CADM2: variants seen among roughly 807,000 people sequenced by gnomAD.
CADM2 encodes the protein cell adhesion molecule 2, also known as immunoglobulin superfamily member 4D.
A neutral mutation model predicts 49.8 loss-of-function variants in CADM2; 12 were observed. The ratio of observed to expected loss-of-function variants is 0.24; its 90% CI spans 0.15 to 0.39. CADM2 has a LOEUF of 0.39. CADM2 is among the 10% of genes least tolerant of loss of function. The probability of loss-of-function intolerance (pLI) is 1.00; values close to 1 mark genes in which losing one functional copy is unlikely to be tolerated. For missense variants in CADM2, 378 were observed against 492.3 expected, an observed-to-expected ratio of 0.77 and a Z score of 2.20; for synonymous variants, 214 against 175.4, an observed-to-expected ratio of 1.22 and a Z score of -1.74.
intron 3 of CADM2, among the ~76,000 whole-genome samples, chr3:85,826,566 C>T (rs1224336938): frequency 6.6e-6 from 1 of 151,908 alleles, no homozygotes; most frequent in Non-Finnish European, 1.5e-5. Flanking sequence ...TCCTCTTTCT[C>T]TCACTTGCAA....
intron 7 of CADM2, among the ~76,000 whole-genome samples, chr3:85,939,347 C>T (rs753891911): frequency 1.2e-4 from 18 of 151,846 alleles, no homozygotes; most frequent in Admixed American, 6.6e-4. Flanking sequence ...AAGTGAGGAC[C>T]GAGCTAATGC....
At chr3:85,340,914 C>G (rs1371773126) in intron 1 of CADM2, among the ~76,000 whole-genome samples, 1 of 151,610 alleles carries the variant, frequency 6.6e-6, no homozygotes, top group Non-Finnish European at 1.5e-5. Context: ...CGTATATACT[C>G]TTCAAACACT....
intron 1 of CADM2, among the ~76,000 whole-genome samples, chr3:85,621,169 GA>G (rs2063964917): frequency 6.6e-6 from 1 of 152,054 alleles, no homozygotes; most frequent in Admixed American, 6.6e-5. Flanking sequence ...ACACTGTAAT[GA>G]AACTGAATAT....
intron 3 of CADM2, among the ~76,000 whole-genome samples, chr3:85,845,973 C>T (rs2074860613): frequency 6.6e-6 from 1 of 152,004 alleles, no homozygotes; most frequent in Non-Finnish European, 1.5e-5. Flanking sequence ...AGCTGGGGTT[C>T]TACTGGGGTT....
rs139199519 is a variant in CADM2, at chr3:85,372,485, A to G, written c.62-354037A>G. Among the ~76,000 whole-genome samples the G allele has an allele frequency of 4.0e-4, 60 of 150,982 alleles. 1 individual carries two copies. The highest frequency in any genetic ancestry group is 1.4e-3 in the African/African-American group (58 of 41,198). The stretch of plus-strand genomic sequence containing the variant: ...TATGAGATCAAAATGTATGAATTTT[A>G]TTTATATATTCTTTATAGTTATCCA... On this transcript the variant is annotated intron_variant, in intron 1 of 9. Transcript: ENST00000383699.
intron 8 of CADM2, among the ~76,000 whole-genome samples, chr3:85,998,294 A>T (rs894239869): frequency 6.6e-6 from 1 of 152,128 alleles, no homozygotes; most frequent in Non-Finnish European, 1.5e-5. Context: ...TCTGTAGTTA[A>T]TTTTCTAAAT....
intron 1 of CADM2, among the ~76,000 whole-genome samples, chr3:85,258,081 A>G (rs968053812): frequency 1.3e-5 from 2 of 152,060 alleles, no homozygotes; most frequent in African/African-American, 4.8e-5. Flanking sequence ...TCACTTTCCT[A>G]TTGGCTTGGA....
intron 3 of CADM2, among the ~76,000 whole-genome samples, chr3:85,815,332 T>C (rs996923569): frequency 6.6e-6 from 1 of 152,130 alleles, no homozygotes; most frequent in Non-Finnish European, 1.5e-5. Flanking sequence ...TGAACATCGA[T>C]GCGAAAATCC....
At chr3:85,764,842 G>C (rs1378366547) in intron 2 of CADM2, among the ~76,000 whole-genome samples, 1 of 152,050 alleles carries the variant, frequency 6.6e-6, no homozygotes. Flanking sequence ...GAGTTGTAAA[G>C]TAGGTTTTAT....
intron 2 of CADM2, among the ~76,000 whole-genome samples, chr3:85,770,961 G>A (rs1185387219): frequency 1.3e-5 from 2 of 152,158 alleles, no homozygotes; most frequent in Non-Finnish European, 2.9e-5. Context: ...TTCGTCGTCT[G>A]TGATACATGT....
chr3:85,483,363 C>T (rs1332731077), intron 1 of CADM2, among the ~76,000 whole-genome samples: 3 of 151,022 alleles, frequency 2.0e-5, no homozygotes, highest in Non-Finnish European at 4.4e-5. Context: ...AGTATCATTT[C>T]TTATGAAATT....
At chr3:85,297,775 A>T (rs1256353175) in intron 1 of CADM2, among the ~76,000 whole-genome samples, 1 of 152,132 alleles carries the variant, frequency 6.6e-6, no homozygotes, top group East Asian at 1.9e-4. Context: ...AATTTCCACC[A>T]CAAAAACTTA....
chr3:85,799,529 CAT>C (rs1377391178), intron 2 of CADM2, among the ~76,000 whole-genome samples: 3 of 152,128 alleles, frequency 2.0e-5, no homozygotes, highest in African/African-American at 7.2e-5. Context: ...TTGAGATAAT[CAT>C]GTGGTTTTTG....
chr3:86,059,405 T>C (rs1738359502), intron 8 of CADM2, among the ~76,000 whole-genome samples: 1 of 152,198 alleles, frequency 6.6e-6, no homozygotes, highest in Non-Finnish European at 1.5e-5. Flanking sequence ...ATTTTCTCTT[T>C]GGAGTCTTTA....
At chr3:85,613,932 A>T (rs568414210) in intron 1 of CADM2, among the ~76,000 whole-genome samples, 2 of 151,770 alleles carry the variant, frequency 1.3e-5, no homozygotes, top group South Asian at 4.1e-4. Flanking sequence ...AAAATGACGG[A>T]ACGGTAGTTT....
intron 1 of CADM2, among the ~76,000 whole-genome samples, chr3:85,637,111 C>G (rs2064514506): frequency 6.6e-6 from 1 of 152,024 alleles, no homozygotes; most frequent in African/African-American, 2.4e-5. Context: ...ATGATTAAAT[C>G]ATGTATATTC....
At chr3:85,680,370 A>G (rs2066006346) in intron 1 of CADM2, among the ~76,000 whole-genome samples, 1 of 152,184 alleles carries the variant, frequency 6.6e-6, no homozygotes, top group Non-Finnish European at 1.5e-5. Flanking sequence ...TGAAAATTTC[A>G]TGAAAGGAAT....
At chr3:85,459,634 C>T (rs1236704394) in intron 1 of CADM2, among the ~76,000 whole-genome samples, 2 of 152,196 alleles carry the variant, frequency 1.3e-5, no homozygotes, top group African/African-American at 4.8e-5. Context: ...AACTACACTA[C>T]TTTTGATTTA....
At chr3:85,411,817 C>A (rs1427127300) in intron 1 of CADM2, among the ~76,000 whole-genome samples, 3 of 152,134 alleles carry the variant, frequency 2.0e-5, no homozygotes, top group Admixed American at 2.0e-4. Flanking sequence ...AGCATCATTT[C>A]ATGAACGATG....
Sources: allele counts gnomAD v4.1 joint callset (sites outside exome capture counted in the v4.1 genomes callset), GRCh38; gene constraint gnomAD v4.1.1; transcripts MANE v1.5; gene names NCBI Gene and HGNC (gene_info 2026-07-23, HGNC 2026-07-21).